Variants in HTRA1 observed in about 807,000 individuals in gnomAD.
The protein encoded by HTRA1 is serine protease HTRA1.
Under a neutral mutation model 49.7 loss-of-function variants are expected in HTRA1, and 26 were observed. That is an observed-to-expected ratio of 0.52 (90% confidence interval 0.38 to 0.73). The LOEUF is 0.73. Among genes scored for constraint, HTRA1 ranks in the 30% least tolerant of loss-of-function variants. The pLI is 0.00. For missense variants in HTRA1, 561 were observed against 667.2 expected, an observed-to-expected ratio of 0.84 and a Z score of 1.75; for synonymous variants, 291 against 286.9, an observed-to-expected ratio of 1.01 and a Z score of -0.14.
intron 1 of HTRA1, among the ~76,000 whole-genome samples, chr10:122,478,497 A>G (rs1271803565): frequency 6.8e-6 from 1 of 147,162 alleles, no homozygotes; most frequent in Non-Finnish European, 1.5e-5. Context: ...GGTTCACGCC[A>G]TTCTCCTGCC....
chr10:122,509,894 TACCTGACC>T (rs2097504821), intron 6 of HTRA1, among the ~76,000 whole-genome samples, 194 bp from the exon 7 acceptor site: 1 of 152,140 alleles, frequency 6.6e-6, no homozygotes, highest in Non-Finnish European at 1.5e-5. Flanking sequence ...CATGCCCAGG[TACCTGACC>T]ATTAATTGAA....
intron 3 of HTRA1, among the ~76,000 whole-genome samples, chr10:122,492,433 A>C (rs1249919324): frequency 6.6e-6 from 1 of 152,136 alleles, no homozygotes; most frequent in Non-Finnish European, 1.5e-5. Context: ...TCCAGGACTC[A>C]AGTGATTCTC....
intron 3 of HTRA1, among the ~76,000 whole-genome samples, chr10:122,489,903 G>A (rs186354382): frequency 1.3e-5 from 2 of 152,232 alleles, no homozygotes; most frequent in African/African-American, 4.8e-5. Context: ...GAAATTAGTA[G>A]GTAAGTAGTG....
intron 3 of HTRA1, among the ~76,000 whole-genome samples, chr10:122,499,877 C>G (rs566682972): frequency 6.6e-6 from 1 of 152,352 alleles, no homozygotes; most frequent in South Asian, 2.1e-4. Context: ...TGAACCAACA[C>G]AGGACCAGCC....
Position 122,461,842 on chromosome 10 carries a change from T to C in HTRA1, c.190T>C (p.Cys64Arg). Residue 64 changes from cysteine to arginine, a missense_variant, in exon 1 of 9, where the codon TGC becomes CGC. Transcript: ENST00000368984. ...EGGRARDACG[C>R]CEVCGAPEGA... Reference sequence around the variant, plus strand: ...CGGCCGGGCCCGGGACGCGTGCGGCTGCTGCGAGGTGTGCGGCGCGCCCGA... The same window carrying C: ...CGGCCGGGCCCGGGACGCGTGCGGCCGCTGCGAGGTGTGCGGCGCGCCCGA... 2 of 1,154,204 alleles carry C rather than the reference T, an allele frequency of 1.7e-6. No individual in the cohort carries two copies. Among genetic ancestry groups the C allele is most frequent in the Non-Finnish European group, 2.1e-6 (2 of 940,752 alleles). 71.5% of individuals were successfully genotyped at this position (1,154,204 alleles called of 1,614,324 possible). A position where few individuals can be genotyped will look rare whatever the true frequency, so the allele number is the denominator to read the frequency against.
At position 122,510,083 on chromosome 10, in the gene HTRA1, G is replaced by T. The variant is rs138859679; in HGVS notation, c.1121-13G>T. Reference sequence around the variant, plus strand: ...TGGGCTGACCTTCTGCTGTCCCTTTGTTGTCTCACCAGGAAAAGCCATCAC... The same window carrying T: ...TGGGCTGACCTTCTGCTGTCCCTTTTTTGTCTCACCAGGAAAAGCCATCAC... On this transcript the variant is annotated splice_polypyrimidine_tract_variant and intron_variant, in intron 6 of 8. Transcript: ENST00000368984. 1 of 1,613,206 alleles carries T rather than the reference G, an allele frequency of 6.2e-7. No individual in the cohort carries two copies. Among genetic ancestry groups the T allele is most frequent in the Non-Finnish European group, 8.5e-7 (1 of 1,179,152 alleles).
rs1279542700 is a variant in HTRA1 at position 122,487,570 on chromosome 10, C to T, written c.473-1332C>T. On this transcript the variant is annotated intron_variant, in intron 1 of 8. Transcript: ENST00000368984. The surrounding 1 kb of genome is among the most constrained non-coding windows in gnomAD (Gnocchi z 4.8). ...TGTTGAAAGTAGCTTTGGAAACGCC[C>T]ACCACGTGGGGCCACTCACTGTAAT... 6.6e-6 allele frequency among the ~76,000 whole-genome samples: 1 copy of T among 152,230 alleles called. No homozygotes were observed. Among genetic ancestry groups the T allele is most frequent in the Non-Finnish European group, 1.5e-5 (1 of 68,046 alleles).
chr10:122,495,014 C>T (rs2097497978), intron 3 of HTRA1, among the ~76,000 whole-genome samples: 1 of 151,922 alleles, frequency 6.6e-6, no homozygotes, highest in Non-Finnish European at 1.5e-5. Flanking sequence ...TGGGGTGGTG[C>T]TTGCCATGAC....
Position 122,506,906 on chromosome 10 carries a change from G to A in HTRA1, c.972+21G>A, listed in dbSNP as rs555349679. 11 of 1,609,254 alleles carry A rather than the reference G, an allele frequency of 6.8e-6. No individual in the cohort carries two copies. The highest frequency in any genetic ancestry group is 1.7e-5 in the Admixed American group (1 of 60,002). On this transcript the variant is annotated intron_variant, in intron 4 of 8. Transcript: ENST00000368984. The surrounding 1 kb of genome is among the most constrained non-coding windows in gnomAD (Gnocchi z 5.2). ...TCAACGTGAGCCTCTGTCCCTCTGC[G>A]GGTGGGGATTGGGGCAGAGTTTTGC...
intron 8 of HTRA1, among the ~76,000 whole-genome samples, chr10:122,513,651 A>G (rs1354782728): frequency 7.1e-6 from 1 of 141,318 alleles, no homozygotes; most frequent in African/African-American, 2.5e-5. Context: ...AAAAAAAAAA[A>G]AAGAGTGGGG....
intron 1 of HTRA1, among the ~76,000 whole-genome samples, chr10:122,476,495 T>C (rs1028262281): frequency 6.6e-6 from 1 of 151,532 alleles, no homozygotes; most frequent in African/African-American, 2.4e-5. Flanking sequence ...TCCAGAGGGG[T>C]GGAGCCCACA....
intron 1 of HTRA1, among the ~76,000 whole-genome samples, chr10:122,467,793 A>C (rs981255527): frequency 6.6e-6 from 1 of 152,056 alleles, no homozygotes; most frequent in Admixed American, 6.5e-5. Context: ...AAGAAGAAAG[A>C]GAAAAATCCT....
intron 3 of HTRA1, among the ~76,000 whole-genome samples, chr10:122,493,331 C>A (rs2097496807): frequency 6.6e-6 from 1 of 152,240 alleles, no homozygotes; most frequent in South Asian, 2.1e-4. Flanking sequence ...GGAATCCCAG[C>A]TGCAGAAAGT....
At chr10:122,476,346 C>G (rs1314773859) in intron 1 of HTRA1, among the ~76,000 whole-genome samples, 1 of 152,204 alleles carries the variant, frequency 6.6e-6, no homozygotes, top group Non-Finnish European at 1.5e-5. Flanking sequence ...TCCTTGGCCT[C>G]CCGAATGTGG....
At chr10:122,500,584 G>A (rs185423149) in intron 3 of HTRA1, among the ~76,000 whole-genome samples, 1 of 152,320 alleles carries the variant, frequency 6.6e-6, no homozygotes, top group African/African-American at 2.4e-5. Context: ...TGTTCTCTCA[G>A]CATACGTGGA....
At chr10:122,514,167 A>C in intron 8 of HTRA1, 24 bp from the exon 9 acceptor site, 1 of 1,610,968 alleles carries the variant, frequency 6.2e-7, no homozygotes, top group Non-Finnish European at 8.5e-7. Context: ...AAACATTGCC[A>C]TTGTGTTTCC....
intron 1 of HTRA1, among the ~76,000 whole-genome samples, chr10:122,475,759 T>C (rs1313037356): frequency 1.3e-5 from 2 of 152,220 alleles, no homozygotes; most frequent in African/African-American, 2.4e-5. Context: ...TCTGTGCCCA[T>C]GTCCCCGGCG....
chr10:122,498,135 GCTCT>G (rs143338562), intron 3 of HTRA1, among the ~76,000 whole-genome samples: 2 of 152,056 alleles, frequency 1.3e-5, no homozygotes, highest in Non-Finnish European at 2.9e-5. Context: ...TCATTTGTGT[GCTCT>G]CTCTTTCTCT....
chr10:122,477,954 G>A (rs955203142), intron 1 of HTRA1, among the ~76,000 whole-genome samples: 3 of 152,140 alleles, frequency 2.0e-5, no homozygotes, highest in Non-Finnish European at 2.9e-5. Flanking sequence ...CAGGGGAGGC[G>A]GATAAGCTGC....
Sources: allele counts gnomAD v4.1 joint callset (sites outside exome capture counted in the v4.1 genomes callset), GRCh38; gene constraint gnomAD v4.1.1; non-coding constraint Gnocchi (gnomAD v3.1); transcripts MANE v1.5; gene names NCBI Gene and HGNC (gene_info 2026-07-23, HGNC 2026-07-21).